LRRFIP1: variants seen among roughly 807,000 people sequenced by gnomAD.
The protein encoded by LRRFIP1 is LRR binding FLII interacting protein 1, also known as leucine-rich repeat flightless-interacting protein 1.
In LRRFIP1, 62 loss-of-function variants were observed where a neutral mutation model predicts 104.4. The observed-to-expected ratio is 0.59, with a 90% confidence interval of 0.48 to 0.73. The LOEUF is 0.73. Among genes scored for constraint, LRRFIP1 ranks in the 30% least tolerant of loss-of-function variants. The probability of loss-of-function intolerance (pLI) is 0.00; values close to 1 mark genes in which losing one functional copy is unlikely to be tolerated. For missense variants in LRRFIP1, 796 were observed against 824.5 expected (o/e 0.97, Z 0.42); for synonymous variants, 300 against 299.0 (o/e 1.00, Z -0.03).
intron 11 of LRRFIP1, among the ~76,000 whole-genome samples, chr2:237,748,113 A>C (rs775246426): frequency 8.2e-4 from 125 of 152,132 alleles, no homozygotes; most frequent in Non-Finnish European, 1.6e-3. Flanking sequence ...TCCCACTGAG[A>C]CTCCTACCTG....
At chr2:237,692,300 G>A (rs1444965483) in intron 1 of LRRFIP1, 4 of 1,203,426 alleles carry the variant, frequency 3.3e-6, no homozygotes, top group East Asian at 3.6e-5. Context: ...CTCCCCGGCG[G>A]GCTGGCTCCT....
At position 237,637,123 on chromosome 2, in the gene LRRFIP1, A is replaced by G. The variant is rs192264022; in HGVS notation, c.96+9383A>G. Among the ~76,000 whole-genome samples the G allele has an allele frequency of 2.0e-3, 300 of 152,358 alleles. 1 individual carries two copies. Among genetic ancestry groups the G allele is most frequent in the South Asian group, 7.0e-3 (34 of 4,830 alleles). ...GCGAAATAAAATGTCAAATTAGCTG[A>G]GCAAATAAAGATAGTAAAACAAAAA... On this transcript the variant is annotated intron_variant, in intron 1 of 23. Coordinates refer to ENST00000308482, the MANE Select transcript of LRRFIP1 (RefSeq NM_001137550.2).
chr2:237,687,603 CAAAAAAAAAAAA>C (rs58549867), intron 1 of LRRFIP1, among the ~76,000 whole-genome samples: 2 of 81,114 alleles, frequency 2.5e-5, no homozygotes, highest in African/African-American at 9.4e-5. Flanking sequence ...GACTCCATCT[CAAAAAAAAAAAA>C]AAAAAAAAAG....
intron 1 of LRRFIP1, among the ~76,000 whole-genome samples, chr2:237,639,240 A>G (rs2083546434): frequency 6.6e-6 from 1 of 152,328 alleles, no homozygotes; most frequent in East Asian, 1.9e-4. Context: ...TGAGAAAAAT[A>G]TAGGAAAGAT....
chr2:237,765,938 C>G (rs1002188092), intron 19 of LRRFIP1: 5 of 983,670 alleles, frequency 5.1e-6, no homozygotes, highest in Middle Eastern at 5.2e-4. Context: ...ACTCTTTGGG[C>G]TGCTTGAAGT....
At chr2:237,637,133 G>A (rs778901199) in intron 1 of LRRFIP1, among the ~76,000 whole-genome samples, 2 of 152,206 alleles carry the variant, frequency 1.3e-5, no homozygotes, top group African/African-American at 4.8e-5. Flanking sequence ...AGCAAATAAA[G>A]ATAGTAAAAC....
In LRRFIP1 at chr2:237,766,171, A is replaced by C. The variant is rs139632052; in HGVS notation, c.1460-3772A>C. On this transcript the variant is annotated intron_variant, in intron 19 of 23. Coordinates refer to ENST00000308482, the MANE Select transcript of LRRFIP1 (RefSeq NM_001137550.2). The surrounding 1 kb of genome is among the most constrained non-coding windows in gnomAD (Gnocchi z 4.8). ...CCTGTGATCTGTGGTTCTGATGTGC[A>C]GCCTCAGCTGAAAACGGTCTTCACC... Among the ~76,000 whole-genome samples, 1 of 152,316 alleles carries C rather than the reference A, an allele frequency of 6.6e-6. No homozygotes were observed. The highest frequency in any genetic ancestry group is 1.5e-5 in the Non-Finnish European group (1 of 68,018).
chr2:237,756,291 A>G, intron 16 of LRRFIP1, 104 bp downstream of exon 16: 2 of 738,994 alleles, frequency 2.7e-6, no homozygotes, highest in South Asian at 3.7e-5. Flanking sequence ...TACCATACAC[A>G]GCATGGCTTA....
At chr2:237,757,876 G>A (rs2059438911) in intron 17 of LRRFIP1, among the ~76,000 whole-genome samples, 1 of 151,816 alleles carries the variant, frequency 6.6e-6, no homozygotes, top group Non-Finnish European at 1.5e-5. Context: ...GGTCTGATGT[G>A]TGCAAGTCCA....
At chr2:237,701,470 G>A (rs536740885) in intron 1 of LRRFIP1, among the ~76,000 whole-genome samples, 7 of 152,346 alleles carry the variant, frequency 4.6e-5, no homozygotes, top group Admixed American at 1.3e-4. Context: ...TCCACTCTGC[G>A]CTCCGCTGGG....
intron 1 of LRRFIP1, among the ~76,000 whole-genome samples, chr2:237,700,028 A>G (rs3769106): frequency 0.29 from 44,045 of 152,008 alleles, 7,222 homozygotes; most frequent in African/African-American, 0.45. Flanking sequence ...GGTACACGGA[A>G]CCGAGGTGAG....
At chr2:237,688,072 A>G (rs542746702) in intron 1 of LRRFIP1, among the ~76,000 whole-genome samples, 7 of 152,356 alleles carry the variant, frequency 4.6e-5, no homozygotes, top group African/African-American at 1.2e-4. Context: ...AGTCTCCTAT[A>G]CTTCTGAGAA....
intron 1 of LRRFIP1, among the ~76,000 whole-genome samples, chr2:237,635,224 A>T (rs758936406): frequency 1.3e-5 from 2 of 152,218 alleles, no homozygotes; most frequent in Non-Finnish European, 2.9e-5. Flanking sequence ...TTGTGTATAG[A>T]GTTCTAGGTT....
chr2:237,655,133 C>T (rs1423318400), intron 1 of LRRFIP1, among the ~76,000 whole-genome samples: 6 of 39,742 alleles, frequency 1.5e-4, no homozygotes, highest in Admixed American at 1.4e-3. Flanking sequence ...TTTTTTGAGA[C>T]GGAGTCTCGC....
intron 1 of LRRFIP1, among the ~76,000 whole-genome samples, chr2:237,651,121 T>A (rs2085867488): frequency 6.6e-6 from 1 of 152,212 alleles, no homozygotes; most frequent in Non-Finnish European, 1.5e-5. Flanking sequence ...TTAAAAATTG[T>A]CAAACATACC....
At position 237,709,474 on chromosome 2, in the gene LRRFIP1, A is replaced by C. The variant is rs3769093; in HGVS notation, c.183+844A>C. 2.8e-3 allele frequency among the ~76,000 whole-genome samples: 429 copies of C among 152,308 alleles called. 10 individuals carry two copies. The East Asian group carries it at 0.046, about 16-fold the overall frequency. Reference sequence around the variant, plus strand: ...AGCTGCCTTCCCCAGGGTTGATTTTAATACACAGGTTGTTGTTTGGCTTAC... The same window carrying C: ...AGCTGCCTTCCCCAGGGTTGATTTTCATACACAGGTTGTTGTTTGGCTTAC... On this transcript the variant is annotated intron_variant, in intron 2 of 23. Transcript: ENST00000308482.
At chr2:237,633,731 G>A (rs1308315506) in intron 1 of LRRFIP1, among the ~76,000 whole-genome samples, 1 of 152,222 alleles carries the variant, frequency 6.6e-6, no homozygotes, top group Admixed American at 6.5e-5. Context: ...AGAGAAAACA[G>A]ACTCAGAGAC....
intron 1 of LRRFIP1, among the ~76,000 whole-genome samples, chr2:237,628,215 C>T (rs951404097): frequency 2.6e-4 from 39 of 152,362 alleles, no homozygotes; most frequent in Non-Finnish European, 4.7e-4. Flanking sequence ...GACCATTTGT[C>T]ATCCATCCAT....
intron 1 of LRRFIP1, among the ~76,000 whole-genome samples, chr2:237,688,805 C>G (rs921953704): frequency 6.6e-6 from 1 of 152,018 alleles, no homozygotes; most frequent in Non-Finnish European, 1.5e-5. Context: ...CCTGCTCAGA[C>G]CTTTCCAAGG....
Sources: allele counts gnomAD v4.1 joint callset (sites outside exome capture counted in the v4.1 genomes callset), GRCh38; gene constraint gnomAD v4.1.1; non-coding constraint Gnocchi (gnomAD v3.1); transcripts MANE v1.5; gene names NCBI Gene and HGNC (gene_info 2026-07-23, HGNC 2026-07-21).